The following ANK2 variants were observed in gnomAD, a reference collection of about 807,000 sequenced individuals.
The protein encoded by ANK2 is ankyrin 2.
A neutral mutation model predicts 360.5 loss-of-function variants in ANK2; 83 were observed. That is an observed-to-expected ratio of 0.23 (90% CI 0.19 to 0.28). ANK2 has a LOEUF of 0.28. Ranked by LOEUF, ANK2 falls within the 10% of genes least tolerant of loss-of-function variation. The probability of loss-of-function intolerance (pLI) is 1.00; values close to 1 mark genes in which losing one functional copy is unlikely to be tolerated. For missense variants in ANK2, 4,201 were observed against 4,795.7 expected (o/e 0.88, Z 3.66); for synonymous variants, 1,740 against 1,759.5 (o/e 0.99, Z 0.28).
At chr4:113,287,221 T>C (rs192170143) in intron 18 of ANK2, among the ~76,000 whole-genome samples, 39 of 152,356 alleles carry the variant, frequency 2.6e-4, no homozygotes, top group African/African-American at 8.9e-4. Context: ...ATTATGCTTA[T>C]AAAATAGGTG....
intron 2 of ANK2, among the ~76,000 whole-genome samples, chr4:112,963,267 G>T (rs1397862130): frequency 3.9e-5 from 6 of 152,184 alleles, no homozygotes; most frequent in African/African-American, 1.4e-4. Context: ...AATTTTTAAT[G>T]ATCTTGATGA....
intron 2 of ANK2, among the ~76,000 whole-genome samples, chr4:112,904,827 A>G (rs1009663691): frequency 3.3e-5 from 5 of 152,128 alleles, no homozygotes; most frequent in Non-Finnish European, 7.4e-5. Context: ...TAATAAACAC[A>G]TTGGGATTTG....
intron 14 of ANK2, among the ~76,000 whole-genome samples, chr4:113,269,724 A>G (rs1006698894): frequency 7.9e-5 from 12 of 152,324 alleles, no homozygotes; most frequent in African/African-American, 2.9e-4. Context: ...CTATTCAGCC[A>G]TCTTGCCAGC....
chr4:113,042,674 G>A (rs1047510863), intron 2 of ANK2, among the ~76,000 whole-genome samples: 1 of 152,130 alleles, frequency 6.6e-6, no homozygotes, highest in Non-Finnish European at 1.5e-5. Flanking sequence ...CTGGCTGGAA[G>A]CTACCATTCA....
chr4:113,093,622 G>A (rs1217157323), intron 1 of ANK2, among the ~76,000 whole-genome samples: 6 of 152,180 alleles, frequency 3.9e-5, no homozygotes, highest in African/African-American at 1.4e-4. Flanking sequence ...TTACAGGTGT[G>A]AGCCACCACG....
chr4:112,845,619 G>A (rs2063117621), intron 1 of ANK2, among the ~76,000 whole-genome samples: 1 of 152,182 alleles, frequency 6.6e-6, no homozygotes, highest in African/African-American at 2.4e-5. Flanking sequence ...TCTAACTGCA[G>A]GGATGTGATA....
the ANK2 span, among the ~76,000 whole-genome samples, chr4:112,707,315 G>C: frequency 1.3e-5 from 2 of 152,184 alleles, no homozygotes; most frequent in Non-Finnish European, 2.9e-5. Context: ...ATTTTAATAT[G>C]TGTAAGTAGT....
intron 2 of ANK2, among the ~76,000 whole-genome samples, chr4:113,007,995 C>G (rs982954151): frequency 6.6e-6 from 1 of 152,116 alleles, no homozygotes. Context: ...CTTGCCACAA[C>G]AGCATACACT....
upstream of ANK2, among the ~76,000 whole-genome samples, chr4:112,813,834 C>A (rs115195844): frequency 6.6e-6 from 1 of 152,182 alleles, no homozygotes; most frequent in Non-Finnish European, 1.5e-5. Context: ...CTGCACCCAG[C>A]CAGATTTCCC....
chr4:113,173,060 A>G (rs2098047039), intron 1 of ANK2, among the ~76,000 whole-genome samples: 1 of 152,232 alleles, frequency 6.6e-6, no homozygotes, highest in Non-Finnish European at 1.5e-5. Flanking sequence ...GGATTTCTAA[A>G]GAATCAGGGC....
At chr4:112,739,442 C>T in the ANK2 span, among the ~76,000 whole-genome samples, 2 of 151,986 alleles carry the variant, frequency 1.3e-5, no homozygotes, top group Non-Finnish European at 2.9e-5. Flanking sequence ...GGTGAAACCT[C>T]GTCTCTACTA....
chr4:112,937,187 GGATGGGTAAATTAGT>G (rs1374197747), intron 2 of ANK2, among the ~76,000 whole-genome samples: 1 of 152,146 alleles, frequency 6.6e-6, no homozygotes, highest in Non-Finnish European at 1.5e-5. Context: ...GGGGATCGAA[GGATGGGTAAATTAGT>G]GATGGGTGAC....
At chr4:113,053,754 T>C (rs2068243851) in intron 1 of ANK2, among the ~76,000 whole-genome samples, 1 of 152,100 alleles carries the variant, frequency 6.6e-6, no homozygotes, top group Admixed American at 6.6e-5. Context: ...CCACCACAGC[T>C]GGCTATTTTT....
chr4:113,168,663 G>A (rs1583647850), intron 1 of ANK2, among the ~76,000 whole-genome samples: 1 of 152,322 alleles, frequency 6.6e-6, no homozygotes, highest in Middle Eastern at 3.4e-3. Flanking sequence ...GCAGTGTAAA[G>A]TGTTTTATAT....
chr4:112,911,710 C>T (rs1197503377), intron 2 of ANK2, among the ~76,000 whole-genome samples: 1 of 151,924 alleles, frequency 6.6e-6, no homozygotes, highest in East Asian at 1.9e-4. Context: ...TAAAGTTGCT[C>T]TATATATTTT....
At chr4:113,062,440 C>G (rs907190235) in intron 1 of ANK2, among the ~76,000 whole-genome samples, 14 of 152,158 alleles carry the variant, frequency 9.2e-5, no homozygotes. Context: ...TTTTGGATCT[C>G]ATTAAATTCT....
rs2095603570 is a variant in ANK2 at position 113,354,297 on chromosome 4, G to A, written c.5679G>A (p.Val1893=). The A allele has an allele frequency of 6.2e-7, 1 of 1,613,924 alleles. No individual in the cohort carries two copies. The highest frequency in any genetic ancestry group is 1.3e-5 in the African/African-American group (1 of 74,886). ...PSTKTERHSP[V]SSTKTERHPP... The stretch of plus-strand genomic sequence containing the variant: ...CAAAAACTGAAAGGCACTCTCCTGT[G>A]TCATCTACAAAAACAGAAAGACACC... The change falls in exon 38 of 46, where the codon GTG becomes GTA. Residue 1893 remains valine, a synonymous_variant. Coordinates refer to ENST00000357077, the MANE Select transcript of ANK2 (RefSeq NM_001148.6).
At chr4:112,712,409 T>TTA in the ANK2 span, among the ~76,000 whole-genome samples, 9 of 77,890 alleles carry the variant, frequency 1.2e-4, no homozygotes, top group Non-Finnish European at 2.4e-4. Flanking sequence ...TATATATATT[T>TTA]TTTTTTTTTT....
rs774446610 is a variant in ANK2 at position 113,277,920 on chromosome 4, A to G, written c.1767A>G (p.Ala589=). 6.2e-7 allele frequency: 1 copy of G among 1,613,686 alleles called. No individual in the cohort carries two copies. Among genetic ancestry groups the G allele is most frequent in the East Asian group, 2.2e-5 (1 of 44,852 alleles). The part of the protein sequence containing the change: ...AKLLLQRRAA[A]DSAGKNGLTP... Reference sequence around the variant, plus strand: ...TTCTCTTGCAACGCCGTGCTGCCGCAGATTCTGCAGGGAAGGTAAAGATTT... The same window carrying G: ...TTCTCTTGCAACGCCGTGCTGCCGCGGATTCTGCAGGGAAGGTAAAGATTT... The change falls in exon 16 of 46, where the codon GCA becomes GCG. Residue 589 remains alanine, a synonymous_variant. Coordinates refer to ENST00000357077, the MANE Select transcript of ANK2 (RefSeq NM_001148.6).
Sources: gnomAD v4.1 joint callset for allele counts (sites outside exome capture counted in the v4.1 genomes callset) on GRCh38, gnomAD v4.1.1 for gene constraint, MANE v1.5 for transcripts, NCBI Gene and HGNC (gene_info 2026-07-23, HGNC 2026-07-21) for gene names.